FOCAD: variants seen among roughly 807,000 people sequenced by gnomAD.
FOCAD encodes focadhesin, also known as KIAA1797.
A neutral mutation model predicts 225.6 loss-of-function variants in FOCAD; 198 were observed. The ratio of observed to expected loss-of-function variants is 0.88; its 90% confidence interval spans 0.78 to 0.99. The LOEUF (loss-of-function observed/expected upper bound fraction) is 0.99, where lower values mean the gene tolerates loss of function less well. Ranked by LOEUF, FOCAD falls within the 50% of genes least tolerant of loss-of-function variation. The probability of loss-of-function intolerance (pLI) is 0.00; values close to 1 mark genes in which losing one functional copy is unlikely to be tolerated. For missense variants in FOCAD, 2,713 were observed against 2,123.6 expected (o/e 1.28, Z -5.46); for synonymous variants, 897 against 755.0 (o/e 1.19, Z -3.08).
At chr9:20,904,118 A>G (rs7856509) in intron 21 of FOCAD, among the ~76,000 whole-genome samples, 42,909 of 151,820 alleles carry the variant, frequency 0.28, 6,240 homozygotes, top group South Asian at 0.36. Flanking sequence ...ATAATATTTC[A>G]TTATATGCAT....
chr9:20,924,344 A>G (rs1056730164), intron 25 of FOCAD, among the ~76,000 whole-genome samples: 3 of 152,148 alleles, frequency 2.0e-5, no homozygotes, highest in Non-Finnish European at 4.4e-5. Flanking sequence ...GACATAACTG[A>G]GTCGTTAAAA....
At chr9:20,775,904 TTATTTTATTG>T (rs1374576926) in intron 8 of FOCAD, among the ~76,000 whole-genome samples, 1 of 151,842 alleles carries the variant, frequency 6.6e-6, no homozygotes, top group African/African-American at 2.4e-5. Flanking sequence ...ATTTCCTTAT[TTATTTTATTG>T]TATTTTATTT....
At chr9:20,786,878 A>G (rs7029608) in intron 10 of FOCAD, 83,863 of 248,420 alleles carry the variant, frequency 0.34, 14,993 homozygotes, top group East Asian at 0.47. Context: ...CACATAACAT[A>G]AACCTTTTAT....
chr9:20,681,247 G>A (rs1822390187), upstream of FOCAD, among the ~76,000 whole-genome samples: 1 of 152,082 alleles, frequency 6.6e-6, no homozygotes, highest in Non-Finnish European at 1.5e-5. Context: ...CATTTCATAT[G>A]AGAAAACTTC....
Position 20,781,830 on chromosome 9 carries a change from C to A in FOCAD, c.1098C>A (p.Asp366Glu). 6.2e-7 allele frequency: 1 copy of A among 1,613,892 alleles called. No homozygotes were observed. Among genetic ancestry groups the A allele is most frequent in the East Asian group, 2.2e-5 (1 of 44,874 alleles). ...LQILSSTALE[D>E]CISVDEEGPS... is the part of the protein sequence containing the mutation. Reference sequence around the variant, plus strand: ...TACTATCTTCTACTGCCTTGGAAGACTGTATATCTGTGGATGAAGAAGGTC... The same window carrying A: ...TACTATCTTCTACTGCCTTGGAAGAATGTATATCTGTGGATGAAGAAGGTC... The change falls in exon 10 of 44, where the codon GAC becomes GAA. Residue 366 changes from aspartate to glutamate, a missense_variant. Transcript: ENST00000338382.
At chr9:20,873,518 T>C (rs1554712534) in intron 18 of FOCAD, among the ~76,000 whole-genome samples, 1 of 152,192 alleles carries the variant, frequency 6.6e-6, no homozygotes, top group Non-Finnish European at 1.5e-5. Context: ...GTTATCTCTG[T>C]AAGTATGGCT....
upstream of FOCAD, among the ~76,000 whole-genome samples, chr9:20,679,646 G>C (rs972351529): frequency 6.6e-6 from 1 of 152,012 alleles, no homozygotes; most frequent in Non-Finnish European, 1.5e-5. Context: ...TTATCTAAAG[G>C]GTCTTATACA....
At chr9:20,760,414 A>T (rs531637514) in intron 6 of FOCAD, among the ~76,000 whole-genome samples, 1 of 152,348 alleles carries the variant, frequency 6.6e-6, no homozygotes, top group East Asian at 1.9e-4. Context: ...TGCAGTTCCA[A>T]TCTATCTCAC....
intron 2 of FOCAD, among the ~76,000 whole-genome samples, chr9:20,664,410 A>C (rs1821833104): frequency 6.6e-6 from 1 of 151,474 alleles, no homozygotes; most frequent in South Asian, 2.1e-4. Flanking sequence ...CTCAATTAGA[A>C]AGAGCTATTC....
At chr9:20,945,134 T>C (rs1413302078) in intron 29 of FOCAD, among the ~76,000 whole-genome samples, 2 of 152,232 alleles carry the variant, frequency 1.3e-5, no homozygotes, top group African/African-American at 4.8e-5. Flanking sequence ...AGGAATAAGC[T>C]TCAGAAACTG....
chr9:20,794,699 A>G (rs1820876698), intron 11 of FOCAD, among the ~76,000 whole-genome samples: 2 of 152,226 alleles, frequency 1.3e-5, no homozygotes, highest in Non-Finnish European at 2.9e-5. Flanking sequence ...AGAACAGGAA[A>G]AGAAAAAATT....
intron 1 of FOCAD, among the ~76,000 whole-genome samples, chr9:20,685,196 A>ATTTT (rs397959541): frequency 1.6e-4 from 23 of 143,114 alleles, no homozygotes; most frequent in African/African-American, 6.0e-4. Flanking sequence ...TGAGTTGGAA[A>ATTTT]TTTTTTTTTT....
intron 15 of FOCAD, among the ~76,000 whole-genome samples, chr9:20,832,605 A>G (rs1234417754): frequency 6.6e-6 from 1 of 152,022 alleles, no homozygotes; most frequent in Non-Finnish European, 1.5e-5. Context: ...TATTGACTGT[A>G]GTCACTCAAT....
intron 42 of FOCAD, among the ~76,000 whole-genome samples, chr9:20,990,899 T>C (rs192363487): frequency 6.6e-6 from 1 of 152,334 alleles, no homozygotes; most frequent in African/African-American, 2.4e-5. Context: ...TGCACAGATA[T>C]GCTCCAGGCA....
rs1161880019 is a variant in FOCAD, at chr9:20,767,094, G to A, written c.699+2021G>A. Among the ~76,000 whole-genome samples, 446 of 150,672 alleles carry A rather than the reference G, an allele frequency of 3.0e-3. 3 individuals carry two copies. The highest frequency in any genetic ancestry group is 0.01 in the African/African-American group (415 of 40,962). Reference sequence around the variant, plus strand: ...GTGGTGTTTGGTTTTTTGTTCTTGCGATAGTTTACTGAGAATGATGATTTC... The same window carrying A: ...GTGGTGTTTGGTTTTTTGTTCTTGCAATAGTTTACTGAGAATGATGATTTC... On this transcript the variant is annotated intron_variant, in intron 7 of 43. Coordinates refer to ENST00000338382, the MANE Select transcript of FOCAD (RefSeq NM_001375567.1).
At chr9:20,949,763 C>G (rs1249194801) in intron 33 of FOCAD, 88 bp downstream of exon 33, 1 of 1,142,244 alleles carries the variant, frequency 8.8e-7, no homozygotes, top group Non-Finnish European at 1.3e-6. Context: ...CATGTTTTAC[C>G]TGGAAAATGG....
chr9:20,721,182 T>C (rs574822218), intron 4 of FOCAD, among the ~76,000 whole-genome samples: 1 of 152,214 alleles, frequency 6.6e-6, no homozygotes, highest in South Asian at 2.1e-4. Flanking sequence ...GTTGTCACTC[T>C]TTGCTTCAAG....
upstream of FOCAD, among the ~76,000 whole-genome samples, chr9:20,657,243 A>G (rs1432492589): frequency 7.0e-6 from 1 of 143,878 alleles, no homozygotes; most frequent in African/African-American, 2.6e-5. Context: ...GGTGAATCTG[A>G]CAATTATGTG....
At chr9:20,971,741 ACAATAACTCCCTTTCCCC>A (rs1341900519) in intron 35 of FOCAD, among the ~76,000 whole-genome samples, 1 of 152,110 alleles carries the variant, frequency 6.6e-6, no homozygotes, top group African/African-American at 2.4e-5. Context: ...TAGCCATTAA[ACAATAACTCCCTTTCCCC>A]CACCCCTCTC....
Sources: gnomAD v4.1 joint callset for allele counts (sites outside exome capture counted in the v4.1 genomes callset) on GRCh38, gnomAD v4.1.1 for gene constraint, MANE v1.5 for transcripts, NCBI Gene and HGNC (gene_info 2026-07-23, HGNC 2026-07-21) for gene names.